The following SIRT6 variants were observed in gnomAD, a reference collection of about 807,000 sequenced individuals.
SIRT6 encodes NAD-dependent protein deacylase sirtuin-6.
Under a neutral mutation model 33.6 loss-of-function variants are expected in SIRT6, and 21 were observed. The ratio of observed to expected loss-of-function variants is 0.62; its 90% CI spans 0.44 to 0.90. SIRT6 has a LOEUF of 0.90. Ranked by LOEUF, SIRT6 falls within the 40% of genes least tolerant of loss-of-function variation. The probability of loss-of-function intolerance (pLI) is 0.00; values close to 1 mark genes in which losing one functional copy is unlikely to be tolerated. For missense variants in SIRT6, 504 were observed against 510.6 expected, an observed-to-expected ratio of 0.99 and a Z score of 0.12; for synonymous variants, 221 against 223.9, an observed-to-expected ratio of 0.99 and a Z score of 0.12.
intron 1 of SIRT6, among the ~76,000 whole-genome samples, chr19:4,181,335 C>T (rs1374921430): frequency 6.6e-6 from 1 of 152,220 alleles, no homozygotes; most frequent in East Asian, 1.9e-4. Flanking sequence ...ACTTCAGTGA[C>T]AGTGATGCCT....
At chr19:4,176,181 C>G (rs1967293838) in intron 4 of SIRT6, among the ~76,000 whole-genome samples, 1 of 152,182 alleles carries the variant, frequency 6.6e-6, no homozygotes, top group Non-Finnish European at 1.5e-5. Flanking sequence ...AGAGACAAGA[C>G]CCAGCATGGG....
In SIRT6 at chr19:4,179,197, T is replaced by G. The variant is rs1404855035; in HGVS notation, c.284A>C (p.His95Pro). The part of the protein sequence containing the change: ...TFESARPTQT[H>P]MALVQLERVG... ...GCGCTCCAGCTGCACCAGCGCCATG[T>G]GGGTCTGCGTGGGCCGCGCGCTCTC... is the stretch of plus-strand genomic sequence containing the variant. Residue 95 changes from histidine (H) to proline (P), a missense_variant, in exon 3 of 8, where the codon CAC (histidine) becomes CCC (proline). Transcript: ENST00000337491. 1 of 1,612,116 alleles carries G rather than the reference T, an allele frequency of 6.2e-7. No individual in the cohort carries two copies. The highest frequency in any genetic ancestry group is 8.5e-7 in the Non-Finnish European group (1 of 1,179,632).
At chr19:4,179,616 C>A (rs1234446486) in intron 2 of SIRT6, 5 of 366,274 alleles carry the variant, frequency 1.4e-5, no homozygotes, top group South Asian at 3.8e-5. Context: ...TCTATTCAAC[C>A]AACACTGCTG....
chr19:4,181,277 C>G (rs1967645432), intron 1 of SIRT6, among the ~76,000 whole-genome samples: 1 of 152,214 alleles, frequency 6.6e-6, no homozygotes, highest in South Asian at 2.1e-4. Context: ...CCCCCAGATA[C>G]CCACATGGCT....
At position 4,174,508 on chromosome 19, in the gene SIRT6, C is replaced by T; in HGVS notation, c.*109G>A. 9.2e-7 allele frequency: 1 copy of T among 1,082,758 alleles called. No individual in the cohort carries two copies. Among genetic ancestry groups the T allele is most frequent in the Non-Finnish European group, 1.2e-6 (1 of 801,626 alleles). The allele number at this position is 1,082,758 out of a possible 1,614,324, so 67.1% of individuals were successfully genotyped here. On this transcript the variant is annotated 3_prime_UTR_variant, in exon 8 of 8. Transcript: ENST00000337491. The surrounding 1 kb of genome is among the most constrained non-coding windows in gnomAD (Gnocchi z 4.2). ...GTAACCCCTGGCCTGGAGCACAGCT[C>T]TCAGAGCCCTGAGGCTCCCGGGGAC... is the stretch of plus-strand genomic sequence containing the variant.
intron 3 of SIRT6, among the ~76,000 whole-genome samples, chr19:4,177,967 C>T (rs1967402370): frequency 2.0e-5 from 3 of 152,036 alleles, no homozygotes; most frequent in African/African-American, 2.4e-5. Context: ...TCATGATCCG[C>T]CCGCCTTGGC....
intron 4 of SIRT6, 118 bp downstream of exon 4, chr19:4,176,960 GA>G: frequency 1.5e-6 from 1 of 688,142 alleles, no homozygotes; most frequent in Admixed American, 3.0e-5. Context: ...CACGCCCCCA[GA>G]TCCCCCCAGG....
In SIRT6 at chr19:4,175,885, G is replaced by C; in HGVS notation, c.490C>G (p.Arg164Gly). ...CTTGCCTTAGCCACGGTGCAGAGCC[G>C]GCCCGTGGCCTTCAGGCCCATGGTG... ...VGTMGLKATGRLCTVAKARGL... is the reference protein window; with the variant it reads ...VGTMGLKATGGLCTVAKARGL... Residue 164 changes from arginine to glycine, a missense_variant, in exon 5 of 8, where the codon CGG becomes GGG. Transcript: ENST00000337491. 1.9e-6 allele frequency: 3 copies of C among 1,568,210 alleles called. No individual in the cohort carries two copies. The highest frequency in any genetic ancestry group is 1.7e-6 in the Non-Finnish European group (2 of 1,156,850).
At chr19:4,182,316 G>T in intron 1 of SIRT6, 158 bp downstream of exon 1, 1 of 695,102 alleles carries the variant, frequency 1.4e-6, no homozygotes, top group Non-Finnish European at 2.3e-6. Context: ...GTCCCCCGGC[G>T]CGCAGGGGCG....
At chr19:4,179,669 C>T (rs1355543877) in intron 2 of SIRT6, among the ~76,000 whole-genome samples, 2 of 152,220 alleles carry the variant, frequency 1.3e-5, no homozygotes, top group African/African-American at 4.8e-5. Flanking sequence ...CAAGCCCTGC[C>T]CTCCAGAAGC....
intron 2 of SIRT6, among the ~76,000 whole-genome samples, chr19:4,179,950 G>T (rs1967526720): frequency 6.6e-6 from 1 of 152,122 alleles, no homozygotes; most frequent in Non-Finnish European, 1.5e-5. Context: ...AGCAGGAGGG[G>T]CTGAAGTTGG....
rs945818052 is a variant in SIRT6, at chr19:4,176,069, C to T, written c.438-132G>A. 26 of 687,208 alleles carry T rather than the reference C, an allele frequency of 3.8e-5. 1 individual carries two copies. The highest frequency in any genetic ancestry group is 2.6e-4 in the South Asian group (14 of 54,752). The allele number at this position is 687,208 out of a possible 1,614,324, so 42.6% of individuals were successfully genotyped here. On this transcript the variant is annotated intron_variant, in intron 4 of 7. Coordinates refer to ENST00000337491, the MANE Select transcript of SIRT6 (RefSeq NM_016539.4). ...TGACCAGAACTAGCACCCAGCGACA[C>T]GGAACGAGTAGCCTTCCATGAATAA...
In SIRT6 at chr19:4,181,046, C is replaced by T. The variant is rs535802072; in HGVS notation, c.67-137G>A. On this transcript the variant is annotated intron_variant, in intron 1 of 7. Transcript: ENST00000337491. ...TTGGAAAAGGCAGCTTGTCCTCATG[C>T]CCCTCCTCTTCCTACAACCTTCCAT... 5.1e-6 allele frequency: 6 copies of T among 1,172,082 alleles called. No individual in the cohort carries two copies. In the African/African-American group the frequency reaches 7.8e-5, roughly 15 times the overall value. 72.6% of individuals were successfully genotyped at this position (1,172,082 alleles called of 1,614,324 possible).
intron 4 of SIRT6, among the ~76,000 whole-genome samples, chr19:4,176,774 A>AG (rs1236461734): frequency 9.9e-5 from 15 of 152,038 alleles, no homozygotes; most frequent in Non-Finnish European, 1.3e-4. Flanking sequence ...TGAGATCACA[A>AG]ATTTCTATTG....
chr19:4,174,722 G>A lies in SIRT6; in HGVS notation c.963C>T (p.Ala321=). Residue 321 remains alanine, a synonymous_variant, in exon 8 of 8, where the codon GCC becomes GCT. Coordinates refer to ENST00000337491, the MANE Select transcript of SIRT6 (RefSeq NM_016539.4). This position sits in a 1 kb window ranked among gnomAD's most constrained non-coding sequence, Gnocchi z 4.2. ...TGGCGGGCTCTGAGCCGTTGTGCTG[G>A]GCGCAGGGCTCCTGCTTGGGGCCGG... ...IPAGPKQEPC[A]QHNGSEPASP... The A allele has an allele frequency of 6.8e-7, 1 of 1,479,280 alleles. No individual in the cohort carries two copies. The highest frequency in any genetic ancestry group is 9.0e-7 in the Non-Finnish European group (1 of 1,113,064). The allele number at this position is 1,479,280 out of a possible 1,614,324, so 91.6% of individuals were successfully genotyped here. A position where few individuals can be genotyped will look rare whatever the true frequency, so the allele number is the denominator to read the frequency against.
In SIRT6 at chr19:4,180,779, G is replaced by C; in HGVS notation, c.194+3C>G. On this transcript the variant is annotated splice_donor_region_variant and intron_variant, in intron 2 of 7. Transcript: ENST00000337491. The stretch of plus-strand genomic sequence containing the variant: ...CCTCGACTTCCCCTGCACAATCACA[G>C]ACCTGAAGTCGGGGATGCCAGAGGC... 6.2e-7 allele frequency: 1 copy of C among 1,608,250 alleles called. No homozygotes were observed. The highest frequency in any genetic ancestry group is 8.5e-7 in the Non-Finnish European group (1 of 1,176,808).
chr19:4,176,120 G>A (rs760071785), intron 4 of SIRT6, among the ~76,000 whole-genome samples, 183 bp from the exon 5 acceptor site: 14 of 152,150 alleles, frequency 9.2e-5, no homozygotes, highest in African/African-American at 2.4e-4. Flanking sequence ...CTCGGTGCCC[G>A]GAGCACAGAA....
In SIRT6 at chr19:4,174,952, G is replaced by A. The variant is rs768175217; in HGVS notation, c.739-6C>T. 52 of 1,609,386 alleles carry A rather than the reference G, an allele frequency of 3.2e-5. No homozygotes were observed. In the Middle Eastern group the frequency reaches 9.9e-4, roughly 31 times the overall value. Reference sequence around the variant, plus strand: ...CGGAGGTCAGCATGGCGGTCCTGCCGAGGGGCGGGACGGGTCAGGCGTGGG... The same window carrying A: ...CGGAGGTCAGCATGGCGGTCCTGCCAAGGGGCGGGACGGGTCAGGCGTGGG... On this transcript the variant is annotated splice_region_variant and splice_polypyrimidine_tract_variant and intron_variant, in intron 7 of 7. Transcript: ENST00000337491. The surrounding 1 kb of genome is among the most constrained non-coding windows in gnomAD (Gnocchi z 4.2).
At position 4,174,567 on chromosome 19, in the gene SIRT6, A is replaced by G; in HGVS notation, c.*50T>C. ...GTAACAAAGTGAGACCACGAGAGAAAAAGAATCCACAGTTTCTACAAAAAG... is the reference window on the plus strand; with the variant it reads ...GTAACAAAGTGAGACCACGAGAGAAGAAGAATCCACAGTTTCTACAAAAAG... On this transcript the variant is annotated 3_prime_UTR_variant, in exon 8 of 8. Coordinates refer to ENST00000337491, the MANE Select transcript of SIRT6 (RefSeq NM_016539.4). The surrounding 1 kb of genome is among the most constrained non-coding windows in gnomAD (Gnocchi z 4.2). 7.2e-7 allele frequency: 1 copy of G among 1,380,160 alleles called. No individual in the cohort carries two copies. Among genetic ancestry groups the G allele is most frequent in the East Asian group, 2.8e-5 (1 of 36,350 alleles). 85.5% of individuals were successfully genotyped at this position (1,380,160 alleles called of 1,614,324 possible). A position where few individuals can be genotyped will look rare whatever the true frequency, so the allele number is the denominator to read the frequency against.
Sources: allele counts gnomAD v4.1 joint callset (sites outside exome capture counted in the v4.1 genomes callset), GRCh38; gene constraint gnomAD v4.1.1; non-coding constraint Gnocchi (gnomAD v3.1); transcripts MANE v1.5; gene names NCBI Gene and HGNC (gene_info 2026-07-23, HGNC 2026-07-21).